The following PDZD9 variants were observed in gnomAD, a reference collection of about 807,000 sequenced individuals.
PDZD9 encodes PDZ domain-containing protein 9.
A neutral mutation model predicts 16.3 loss-of-function variants in PDZD9; 13 were observed. The observed-to-expected ratio is 0.80, with a 90% CI of 0.52 to 1.27. The LOEUF is 1.27. Among genes scored for constraint, PDZD9 ranks in the 50% most tolerant of loss-of-function variants. The probability of loss-of-function intolerance (pLI) is 0.00; values close to 1 mark genes in which losing one functional copy is unlikely to be tolerated. For synonymous variants in PDZD9, 120 were observed against 111.0 expected (o/e 1.08, Z -0.51); for missense variants, 288 against 310.9 (o/e 0.93, Z 0.55).
chr16:21,980,465 GT>G, downstream of PDZD9: 1 of 1,473,912 alleles, frequency 6.8e-7, no homozygotes, highest in South Asian at 1.3e-5. Context: ...AAGCTTTGAT[GT>G]TCACAGCCCC....
chr16:21,967,843 AACTC>A, the PDZD9 span, among the ~76,000 whole-genome samples: 1 of 152,166 alleles, frequency 6.6e-6, no homozygotes, highest in Non-Finnish European at 1.5e-5. Context: ...GTTGTGGTAA[AACTC>A]TGTTAGCCCT....
chr16:22,000,867 G>GATGATA (rs1567492496), intron 1 of PDZD9, 150 bp downstream of exon 1: 4 of 689,968 alleles, frequency 5.8e-6, no homozygotes, highest in Non-Finnish European at 1.0e-5. Context: ...TGATGATGAT[G>GATGATA]ATGATGATAA....
the PDZD9 span, chr16:21,959,354 CA>C: frequency 3.7e-6 from 1 of 271,230 alleles, no homozygotes; most frequent in Non-Finnish European, 7.4e-6. Context: ...ACAGCATCTT[CA>C]ACCAGGAGCA....
At chr16:21,991,100 T>C (rs1050665210) in intron 2 of PDZD9, among the ~76,000 whole-genome samples, 21 of 152,204 alleles carry the variant, frequency 1.4e-4, no homozygotes, top group Non-Finnish European at 2.5e-4. Flanking sequence ...TCCTCAAGGC[T>C]AAGGACCATG....
chr16:21,977,528 G>C, the PDZD9 span, among the ~76,000 whole-genome samples: 1 of 152,094 alleles, frequency 6.6e-6, no homozygotes, highest in African/African-American at 2.4e-5. Flanking sequence ...TAAAATACTT[G>C]TCTGCTATTT....
At chr16:21,976,410 A>G in the PDZD9 span, 2 of 604,396 alleles carry the variant, frequency 3.3e-6, no homozygotes, top group African/African-American at 1.9e-5. Flanking sequence ...AATTGTTAAC[A>G]TTTTGGCCAG....
At chr16:21,988,885 G>T in intron 2 of PDZD9, 94 bp from the exon 3 acceptor site, 8 of 977,350 alleles carry the variant, frequency 8.2e-6, no homozygotes, top group South Asian at 3.9e-5. Flanking sequence ...CATTTTATGG[G>T]TTCATATTGT....
chr16:21,960,613 C>T, the PDZD9 span, among the ~76,000 whole-genome samples: 1 of 152,200 alleles, frequency 6.6e-6, no homozygotes, highest in African/African-American at 2.4e-5. Flanking sequence ...GCCTTCCTGA[C>T]TTCCTTAGAA....
downstream of PDZD9, chr16:21,983,455 T>C (rs1898786790): frequency 5.0e-6 from 2 of 399,024 alleles, no homozygotes; most frequent in East Asian, 7.3e-5. Context: ...TTATTGAGTA[T>C]AGAAGCATCA....
the PDZD9 span, among the ~76,000 whole-genome samples, chr16:21,977,283 G>A: frequency 1.3e-5 from 2 of 151,954 alleles, no homozygotes; most frequent in African/African-American, 4.8e-5. Context: ...GAGCCCACGA[G>A]TTTGAGGCTG....
At chr16:21,994,649 G>A (rs1475742843) in intron 2 of PDZD9, among the ~76,000 whole-genome samples, 1 of 152,136 alleles carries the variant, frequency 6.6e-6, no homozygotes, top group African/African-American at 2.4e-5. Context: ...CAGGGATTGT[G>A]AGAGTGAAAT....
At chr16:21,997,926 C>T (rs1597984037) in intron 1 of PDZD9, among the ~76,000 whole-genome samples, 1 of 152,130 alleles carries the variant, frequency 6.6e-6, no homozygotes, top group Non-Finnish European at 1.5e-5. Flanking sequence ...GGGAGAGGCT[C>T]CCCCAGCTCC....
Position 21,989,876 on chromosome 16 carries a change from C to G in PDZD9, c.212-1085G>C, listed in dbSNP as rs909511762. Reference sequence around the variant, plus strand: ...TAAAAAGACCAATTTTTCACTTGCTCCAACCTCCCCCATGTCCCCACCTCC... The same window carrying G: ...TAAAAAGACCAATTTTTCACTTGCTGCAACCTCCCCCATGTCCCCACCTCC... On this transcript the variant is annotated intron_variant, in intron 2 of 3. Transcript: ENST00000424898. Among the ~76,000 whole-genome samples the G allele has an allele frequency of 2.0e-5, 3 of 152,266 alleles. No homozygotes were observed. The South Asian group carries it at 6.2e-4, about 32-fold the overall frequency.
the PDZD9 span, among the ~76,000 whole-genome samples, chr16:21,958,973 G>A: frequency 7.3e-4 from 111 of 152,004 alleles, no homozygotes; most frequent in Middle Eastern, 3.4e-3. Context: ...TTTTGTCTTG[G>A]AAAAAAAGTA....
At chr16:21,969,456 C>G in the PDZD9 span, among the ~76,000 whole-genome samples, 5 of 152,144 alleles carry the variant, frequency 3.3e-5, no homozygotes, top group Non-Finnish European at 7.4e-5. Flanking sequence ...CGCTTGAACC[C>G]AGGAGGCAGT....
At chr16:21,974,189 T>G in the PDZD9 span, among the ~76,000 whole-genome samples, 1 of 152,192 alleles carries the variant, frequency 6.6e-6, no homozygotes, top group Admixed American at 6.5e-5. Context: ...ATTGCCTCCT[T>G]CATGTTTTGG....
At chr16:21,968,736 C>T in the PDZD9 span, 30 of 1,514,670 alleles carry the variant, frequency 2.0e-5, no homozygotes, top group Non-Finnish European at 2.4e-5. Flanking sequence ...AAGAGCAGTT[C>T]CTTAAACTGT....
intron 3 of PDZD9, among the ~76,000 whole-genome samples, chr16:21,985,271 AT>A (rs1346697604): frequency 6.6e-6 from 1 of 152,010 alleles, no homozygotes; most frequent in African/African-American, 2.4e-5. Flanking sequence ...TGTATGCTGT[AT>A]GCCACCGCAC....
chr16:21,978,972 A>G (rs918415617), downstream of PDZD9, among the ~76,000 whole-genome samples: 1 of 152,204 alleles, frequency 6.6e-6, no homozygotes, highest in East Asian at 1.9e-4. Context: ...ACCTGCCAAA[A>G]CTCACAGGTA....
Sources: gnomAD v4.1 joint callset for allele counts (sites outside exome capture counted in the v4.1 genomes callset) on GRCh38, gnomAD v4.1.1 for gene constraint, MANE v1.5 for transcripts, NCBI Gene and HGNC (gene_info 2026-07-23, HGNC 2026-07-21) for gene names.